The following FLRT1 variants were observed in gnomAD, a reference collection of about 807,000 sequenced individuals.
The protein encoded by FLRT1 is leucine-rich repeat transmembrane protein FLRT1.
In FLRT1, 14 loss-of-function variants were observed where a neutral mutation model predicts 30.9. That is an observed-to-expected ratio of 0.45 (90% CI 0.30 to 0.71). The LOEUF is 0.71. Ranked by LOEUF, FLRT1 falls within the 30% of genes least tolerant of loss-of-function variation. The pLI is 0.08. For missense variants in FLRT1, 737 were observed against 949.2 expected (o/e 0.78, Z 2.94); for synonymous variants, 368 against 430.4 (o/e 0.85, Z 1.80).
intron 1 of FLRT1, among the ~76,000 whole-genome samples, chr11:64,063,389 C>G (rs1344382247): frequency 6.6e-6 from 1 of 152,036 alleles, no homozygotes; most frequent in Non-Finnish European, 1.5e-5. Flanking sequence ...GAGACCCATG[C>G]CAGATGTCAG....
At chr11:64,097,137 C>T (rs759704769) in intron 1 of FLRT1, among the ~76,000 whole-genome samples, 14 of 152,328 alleles carry the variant, frequency 9.2e-5, no homozygotes, top group East Asian at 5.8e-4. Flanking sequence ...ACTGTGAGGA[C>T]GGCAGCTTCA....
At chr11:64,050,989 C>T (rs1943682866) in intron 1 of FLRT1, among the ~76,000 whole-genome samples, 1 of 152,244 alleles carries the variant, frequency 6.6e-6, no homozygotes, top group Non-Finnish European at 1.5e-5. Context: ...CTGAGCCCCA[C>T]TCCTGAATCC....
At chr11:64,078,136 C>T (rs1438193985) in intron 1 of FLRT1, among the ~76,000 whole-genome samples, 1 of 152,212 alleles carries the variant, frequency 6.6e-6, no homozygotes, top group Non-Finnish European at 1.5e-5. Context: ...CACTCCTTTC[C>T]TTCCTCTCAA....
At chr11:64,105,891 A>G (rs1436712632) in intron 2 of FLRT1, among the ~76,000 whole-genome samples, 1 of 151,826 alleles carries the variant, frequency 6.6e-6, no homozygotes, top group Non-Finnish European at 1.5e-5. Context: ...CCTCATCTGC[A>G]AAAAGCAGAC....
At chr11:64,081,194 G>A (rs1944296547) in intron 1 of FLRT1, among the ~76,000 whole-genome samples, 1 of 152,154 alleles carries the variant, frequency 6.6e-6, no homozygotes, top group Admixed American at 6.5e-5. Flanking sequence ...GCTAATTTTT[G>A]TAGTTTTAGT....
In FLRT1 at chr11:64,067,891, G is replaced by T. The variant is rs925085007; in HGVS notation, c.-1038+31732G>T. ...CTTCCTGCTGCTGTCCATTTAGCCA[G>T]CGGTTCGCTCGGCTTTTAGGAGGGG... On this transcript the variant is annotated intron_variant, in intron 1 of 2. Transcript: ENST00000682287. This position sits in a 1 kb window ranked among gnomAD's most constrained non-coding sequence, Gnocchi z 4.6. Among the ~76,000 whole-genome samples the T allele has an allele frequency of 2.6e-5, 4 of 152,156 alleles. No individual in the cohort carries two copies. Among genetic ancestry groups the T allele is most frequent in the African/African-American group, 9.7e-5 (4 of 41,442 alleles).
At chr11:64,045,089 C>T (rs1344194353) in intron 1 of FLRT1, among the ~76,000 whole-genome samples, 2 of 152,214 alleles carry the variant, frequency 1.3e-5, no homozygotes, top group Admixed American at 6.5e-5. Flanking sequence ...TGAGGGGGAG[C>T]AGTCCGGGTG....
At chr11:64,113,369 G>T (rs1944895441) in intron 2 of FLRT1, among the ~76,000 whole-genome samples, 1 of 152,160 alleles carries the variant, frequency 6.6e-6, no homozygotes, top group African/African-American at 2.4e-5. Flanking sequence ...ATGATGGATG[G>T]ATGGATGGAT....
chr11:64,061,775 C>T (rs1383716288), intron 1 of FLRT1, among the ~76,000 whole-genome samples: 1 of 151,470 alleles, frequency 6.6e-6, no homozygotes, highest in East Asian at 1.9e-4. Flanking sequence ...TCACAGCTCA[C>T]TGCAGCCTCA....
intron 1 of FLRT1, among the ~76,000 whole-genome samples, chr11:64,051,748 G>A (rs892982700): frequency 1.2e-4 from 18 of 152,118 alleles, no homozygotes; most frequent in Non-Finnish European, 2.1e-4. Context: ...ATAGCCCTGC[G>A]GCCCAGTCCC....
intron 2 of FLRT1, among the ~76,000 whole-genome samples, chr11:64,113,977 T>A (rs1204548203): frequency 6.8e-6 from 1 of 147,276 alleles, no homozygotes; most frequent in Non-Finnish European, 1.5e-5. Flanking sequence ...ATTGGATGGA[T>A]GGATAATTGG....
At chr11:64,098,210 C>A (rs936597691) in intron 1 of FLRT1, among the ~76,000 whole-genome samples, 1 of 152,212 alleles carries the variant, frequency 6.6e-6, no homozygotes, top group Non-Finnish European at 1.5e-5. Flanking sequence ...AGCCTCCCCC[C>A]TGCCCTTGTA....
intron 2 of FLRT1, among the ~76,000 whole-genome samples, chr11:64,113,871 C>CATGGATGGATGGATGG (rs202172057): frequency 5.1e-5 from 4 of 77,916 alleles, no homozygotes; most frequent in East Asian, 3.3e-4. Context: ...TGGATTGATA[C>CATGGATGGATGGATGG]ATGGATGGAT....
At position 64,118,207 on chromosome 11, in the gene FLRT1, G is replaced by A. The variant is rs771473912; in HGVS notation, c.1940G>A (p.Cys647Tyr). 7 of 1,613,356 alleles carry A rather than the reference G, an allele frequency of 4.3e-6. No homozygotes were observed. The highest frequency in any genetic ancestry group is 3.3e-5 in the South Asian group (3 of 91,072). The change falls in exon 3 of 3, where the codon TGC becomes TAC. Residue 647 changes from cysteine to tyrosine, a missense_variant. Cys to Tyr is a radical substitution (Grantham distance 194, BLOSUM62 -2). Transcript: ENST00000682287. ...TIFPSNGSSL[C>Y]KATHTIGYGT... ...TTCCCCTCCAACGGCAGCAGCCTCT[G>A]CAAGGCCACACACACCATTGGCTAC...
rs11825864 is a variant in FLRT1, at chr11:64,067,324, C to T, written c.-1038+31165C>T. ...CTCCTCCCCACTGCTCAGCCTCTCC[C>T]GGAGGATGGTGAGGGGGGAATCCAT... On this transcript the variant is annotated intron_variant, in intron 1 of 2. Transcript: ENST00000682287. The surrounding 1 kb of genome is among the most constrained non-coding windows in gnomAD (Gnocchi z 4.6). Among the ~76,000 whole-genome samples the T allele has an allele frequency of 0.17, 25,509 of 152,048 alleles. 3,077 individuals carry two copies. Among genetic ancestry groups the T allele is most frequent in the East Asian group, 0.49 (2,514 of 5,140 alleles).
At chr11:64,098,479 A>C (rs1251101396) in intron 1 of FLRT1, among the ~76,000 whole-genome samples, 2 of 152,168 alleles carry the variant, frequency 1.3e-5, no homozygotes, top group African/African-American at 4.8e-5. Context: ...CCCTGCCCCC[A>C]GCCTTCTGTC....
At chr11:64,062,633 G>A (rs1431575724) in intron 1 of FLRT1, among the ~76,000 whole-genome samples, 4 of 112,274 alleles carry the variant, frequency 3.6e-5, no homozygotes, top group South Asian at 6.0e-4. Flanking sequence ...GCAAAGGCAC[G>A]TGGCCCTGCC....
Position 64,118,967 on chromosome 11 carries a change from C to T in FLRT1, c.*675C>T, listed in dbSNP as rs1945048800. 1 of 167,062 alleles carries T rather than the reference C, an allele frequency of 6.0e-6. No homozygotes were observed. The highest frequency in any genetic ancestry group is 6.5e-5 in the Admixed American group (1 of 15,278). 10.3% of individuals were successfully genotyped at this position (167,062 alleles called of 1,614,324 possible). On this transcript the variant is annotated 3_prime_UTR_variant, in exon 3 of 3. Coordinates refer to ENST00000682287, the MANE Select transcript of FLRT1 (RefSeq NM_013280.5). ...AACTTTTTTTTCCTAGGCTGAAGCC[C>T]TCTTCAGTTCCATGCACCACGCTCC...
Position 64,090,863 on chromosome 11 carries a change from G to A in FLRT1, c.-1037-12331G>A, listed in dbSNP as rs1446819003. Among the ~76,000 whole-genome samples, 2 of 152,228 alleles carry A rather than the reference G, an allele frequency of 1.3e-5. No individual in the cohort carries two copies. The highest frequency in any genetic ancestry group is 3.9e-4 in the East Asian group (2 of 5,162). The stretch of plus-strand genomic sequence containing the variant: ...CAGCCCTGCACTCCCAGGGAGCCCT[G>A]AGGGACGAAGTAAAGCAGGAGAGGG... On this transcript the variant is annotated intron_variant, in intron 1 of 2. Transcript: ENST00000682287. The surrounding 1 kb of genome is among the most constrained non-coding windows in gnomAD (Gnocchi z 4.7).
Sources: allele counts gnomAD v4.1 joint callset (sites outside exome capture counted in the v4.1 genomes callset), GRCh38; gene constraint gnomAD v4.1.1; non-coding constraint Gnocchi (gnomAD v3.1); transcripts MANE v1.5; gene names NCBI Gene and HGNC (gene_info 2026-07-23, HGNC 2026-07-21).